The following LRRC63 variants were observed in gnomAD, a reference collection of about 807,000 sequenced individuals.
LRRC63 encodes leucine rich repeat containing 63, also known as leucine-rich repeat-containing protein 63.
Under a neutral mutation model 49.5 loss-of-function variants are expected in LRRC63, and 40 were observed. The observed-to-expected ratio is 0.81, with a 90% CI of 0.63 to 1.05. The LOEUF is 1.05. Ranked by LOEUF, LRRC63 falls within the 50% of genes least tolerant of loss-of-function variation. LRRC63 has a pLI of 0.00. For synonymous variants in LRRC63, 191 were observed against 221.1 expected (o/e 0.86, Z 1.21); for missense variants, 636 against 663.1 (o/e 0.96, Z 0.45).
intron 7 of LRRC63, 135 bp downstream of exon 7, chr13:46,250,626 G>A (rs2047353462): frequency 4.3e-6 from 3 of 698,190 alleles, no homozygotes; most frequent in Admixed American, 3.1e-5. Context: ...TAGCTAATAC[G>A]CTTCTTCTTA....
chr13:46,253,457 G>A (rs1442910228), intron 7 of LRRC63, among the ~76,000 whole-genome samples: 1 of 151,792 alleles, frequency 6.6e-6, no homozygotes, highest in Non-Finnish European at 1.5e-5. Flanking sequence ...AACATTCTAA[G>A]GGCTTTGACT....
chr13:46,254,886 C>A (rs187574124), intron 7 of LRRC63, among the ~76,000 whole-genome samples: 3 of 152,244 alleles, frequency 2.0e-5, no homozygotes, highest in East Asian at 1.9e-4. Flanking sequence ...AAAAAGACTT[C>A]TTTGGGAATG....
chr13:46,255,032 T>C (rs539412534), intron 7 of LRRC63, among the ~76,000 whole-genome samples: 1 of 152,288 alleles, frequency 6.6e-6, no homozygotes, highest in South Asian at 2.1e-4. Flanking sequence ...AACAGATTAA[T>C]TAATGAATAA....
At chr13:46,245,908 A>G (rs971625874) in intron 5 of LRRC63, among the ~76,000 whole-genome samples, 1 of 152,206 alleles carries the variant, frequency 6.6e-6, no homozygotes, top group Admixed American at 6.5e-5. Context: ...CTTATCACAT[A>G]CAGAAATACT....
At chr13:46,219,184 C>T (rs567829613) in intron 2 of LRRC63, among the ~76,000 whole-genome samples, 3 of 152,264 alleles carry the variant, frequency 2.0e-5, no homozygotes, top group African/African-American at 7.2e-5. Context: ...TGGATAATAT[C>T]CTGCAGAGTG....
intron 5 of LRRC63, among the ~76,000 whole-genome samples, chr13:46,243,124 T>C (rs567128034): frequency 3.3e-5 from 5 of 152,280 alleles, no homozygotes; most frequent in African/African-American, 9.6e-5. Context: ...GGTTAAGAGA[T>C]AGGCACTATG....
chr13:46,271,743 A>T (rs1215747377), intron 9 of LRRC63, among the ~76,000 whole-genome samples: 1 of 151,338 alleles, frequency 6.6e-6, no homozygotes, highest in Non-Finnish European at 1.5e-5. Context: ...AAAAACTCCA[A>T]CAACTATGAA....
At chr13:46,234,324 A>T (rs1443431851) in exon 5 of LRRC63, 7 of 1,550,134 alleles carry the variant, frequency 4.5e-6, no homozygotes, top group Non-Finnish European at 6.1e-6. Context: ...TGTCAAGTAT[A>T]TGGGAGAAAT....
intron 5 of LRRC63, among the ~76,000 whole-genome samples, chr13:46,234,848 C>T (rs2046862015): frequency 6.6e-6 from 1 of 152,144 alleles, no homozygotes; most frequent in Non-Finnish European, 1.5e-5. Flanking sequence ...TAAGATCACA[C>T]AGTAAGCAAG....
chr13:46,226,814 A>C (rs995397533), intron 2 of LRRC63, among the ~76,000 whole-genome samples: 2 of 152,196 alleles, frequency 1.3e-5, no homozygotes, highest in African/African-American at 4.8e-5. Flanking sequence ...TTTTGCCTTA[A>C]TGAATCTATT....
At chr13:46,261,479 G>A (rs949692617) in intron 7 of LRRC63, among the ~76,000 whole-genome samples, 3 of 152,314 alleles carry the variant, frequency 2.0e-5, no homozygotes, top group Non-Finnish European at 4.4e-5. Context: ...GAAGCTGGGG[G>A]AGAAGCAAGG....
intron 7 of LRRC63, among the ~76,000 whole-genome samples, chr13:46,260,521 G>T (rs1424522317): frequency 6.6e-6 from 1 of 152,134 alleles, no homozygotes; most frequent in Non-Finnish European, 1.5e-5. Context: ...AATTGAATCC[G>T]TGCCCTCTAG....
intron 2 of LRRC63, among the ~76,000 whole-genome samples, chr13:46,223,484 GT>G (rs75553094): frequency 0.017 from 2,301 of 131,534 alleles, 48 homozygotes; most frequent in African/African-American, 0.05. Flanking sequence ...AGTTTTTTTT[GT>G]TTTTTTTTTT....
At chr13:46,249,283 A>G (rs940117930) in intron 6 of LRRC63, among the ~76,000 whole-genome samples, 1 of 151,870 alleles carries the variant, frequency 6.6e-6, no homozygotes, top group Non-Finnish European at 1.5e-5. Flanking sequence ...AGTAAATATT[A>G]GTACAGAAAT....
At chr13:46,255,645 A>AAAAAAAAAAAAAAAAAATATAT (rs1555328641) in intron 7 of LRRC63, among the ~76,000 whole-genome samples, 37 of 129,454 alleles carry the variant, frequency 2.9e-4, no homozygotes, top group African/African-American at 1.0e-3. Flanking sequence ...CCCTGCCTCA[A>AAAAAAAAAAAAAAAAAATATAT]ATATATATAT....
chr13:46,258,001 A>G (rs1222658226), intron 7 of LRRC63, among the ~76,000 whole-genome samples: 1 of 151,954 alleles, frequency 6.6e-6, no homozygotes, highest in Non-Finnish European at 1.5e-5. Context: ...TTATCTTTCC[A>G]TTCCTAACAA....
At chr13:46,272,875 G>A (rs906273026) in intron 9 of LRRC63, among the ~76,000 whole-genome samples, 2 of 152,180 alleles carry the variant, frequency 1.3e-5, no homozygotes, top group East Asian at 3.8e-4. Context: ...GCACACATGT[G>A]AGAAAGATTC....
rs938509151 is a variant in LRRC63, at chr13:46,228,736, A to T, written c.832+3A>T. On this transcript the variant is annotated splice_donor_region_variant and intron_variant, in intron 4 of 9. Transcript: ENST00000595396. Reference sequence around the variant, plus strand: ...AATCCCACCAAGACCACCTGAAGGTAAATGCTAGATTTATACAATTCTTTT... The same window carrying T: ...AATCCCACCAAGACCACCTGAAGGTTAATGCTAGATTTATACAATTCTTTT... The T allele has an allele frequency of 2.0e-6, 3 of 1,517,818 alleles. No individual in the cohort carries two copies. The highest frequency in any genetic ancestry group is 2.7e-6 in the Non-Finnish European group (3 of 1,117,824). The allele number at this position is 1,517,818 out of a possible 1,614,324, so 94.0% of individuals were successfully genotyped here. A position where few individuals can be genotyped will look rare whatever the true frequency, so the allele number is the denominator to read the frequency against.
At chr13:46,233,477 T>C (rs2138433569) in intron 4 of LRRC63, among the ~76,000 whole-genome samples, 1 of 152,324 alleles carries the variant, frequency 6.6e-6, no homozygotes, top group African/African-American at 2.4e-5. Flanking sequence ...ACCAGTAGCA[T>C]AAGAATTACT....
Sources: gnomAD v4.1 joint callset for allele counts (sites outside exome capture counted in the v4.1 genomes callset) on GRCh38, gnomAD v4.1.1 for gene constraint, MANE v1.5 for transcripts, NCBI Gene and HGNC (gene_info 2026-07-23, HGNC 2026-07-21) for gene names.